LYPD6: variants seen among roughly 807,000 people sequenced by gnomAD.
The protein encoded by LYPD6 is LY6/PLAUR domain containing 6.
In LYPD6, 15 loss-of-function variants were observed where a neutral mutation model predicts 22.7. That is an observed-to-expected ratio of 0.66 (90% CI 0.44 to 1.02). LYPD6 has a LOEUF of 1.02. Among genes scored for constraint, LYPD6 ranks in the 50% least tolerant of loss-of-function variants. LYPD6 has a pLI of 0.00. For synonymous variants in LYPD6, 72 were observed against 77.5 expected, an observed-to-expected ratio of 0.93 and a Z score of 0.37; for missense variants, 189 against 208.4, an observed-to-expected ratio of 0.91 and a Z score of 0.57.
chr2:149,470,292 A>G (rs1393736640), intron 4 of LYPD6, among the ~76,000 whole-genome samples: 3 of 151,778 alleles, frequency 2.0e-5, no homozygotes, highest in Non-Finnish European at 4.4e-5. Flanking sequence ...TCACTTGAAA[A>G]CTTGGCAAAC....
intron 1 of LYPD6, among the ~76,000 whole-genome samples, chr2:149,356,475 C>CT (rs1186673389): frequency 6.6e-6 from 1 of 152,178 alleles, no homozygotes; most frequent in East Asian, 1.9e-4. Context: ...CCAAGTATGG[C>CT]TACTGGCCTC....
At chr2:149,425,622 T>C (rs1396373332) in intron 1 of LYPD6, among the ~76,000 whole-genome samples, 1 of 152,250 alleles carries the variant, frequency 6.6e-6, no homozygotes, top group Non-Finnish European at 1.5e-5. Flanking sequence ...GTGAATGCTA[T>C]GTAAAATCTT....
intron 3 of LYPD6, 110 bp downstream of exon 3, chr2:149,449,257 T>G (rs575698686): frequency 1.5e-6 from 1 of 661,192 alleles, no homozygotes; most frequent in Admixed American, 2.9e-5. Context: ...CAGCTGCTCC[T>G]CTTGTCTAAG....
chr2:149,390,453 T>C (rs1028226022), intron 1 of LYPD6, among the ~76,000 whole-genome samples: 1 of 152,238 alleles, frequency 6.6e-6, no homozygotes, highest in African/African-American at 2.4e-5. Context: ...CTTCTACTCA[T>C]GCAGTACTTC....
At chr2:149,395,305 C>G (rs1187316430) in intron 1 of LYPD6, among the ~76,000 whole-genome samples, 8 of 152,070 alleles carry the variant, frequency 5.3e-5, no homozygotes, top group Admixed American at 5.2e-4. Context: ...TGGTATGATG[C>G]TCCCCTCATA....
In LYPD6 at chr2:149,468,723, T is replaced by C; in HGVS notation, c.296T>C (p.Leu99Pro). The C allele has an allele frequency of 1.2e-6, 2 of 1,613,754 alleles. No homozygotes were observed. The highest frequency in any genetic ancestry group is 1.7e-6 in the Non-Finnish European group (2 of 1,179,740). ...SISVTKRCVP[L>P]EECLSTGCRD... ...TCAGTCACCAAACGCTGTGTCCCAC[T>C]GGAAGAGTGCTTATCCACTGGCTGC... The change falls in exon 4 of 5, where the codon CTG (leucine) becomes CCG (proline). Residue 99 changes from leucine (L) to proline (P), a missense_variant. Transcript: ENST00000334166.
At chr2:149,406,556 C>A (rs1009833690) in intron 1 of LYPD6, among the ~76,000 whole-genome samples, 4 of 152,148 alleles carry the variant, frequency 2.6e-5, no homozygotes, top group East Asian at 3.9e-4. Flanking sequence ...GGATTGCAAC[C>A]CCTGCCTTAT....
intron 1 of LYPD6, among the ~76,000 whole-genome samples, chr2:149,347,048 T>A (rs940475043): frequency 6.6e-6 from 1 of 152,088 alleles, no homozygotes; most frequent in African/African-American, 2.4e-5. Flanking sequence ...CAGTCAGAGG[T>A]CAAGGTGCTG....
rs78120788 is a variant in LYPD6, at chr2:149,462,224, A to G, written c.218-6421A>G. Among the ~76,000 whole-genome samples, 32 of 152,138 alleles carry G rather than the reference A, an allele frequency of 2.1e-4. 1 individual carries two copies. The East Asian group carries it at 4.4e-3, about 21-fold the overall frequency. On this transcript the variant is annotated intron_variant, in intron 3 of 4. Coordinates refer to ENST00000334166, the MANE Select transcript of LYPD6 (RefSeq NM_194317.5). ...GGATATACGATAAATTGAGAACTCA[A>G]TTGTGTTTATGCTATCAATTAACAT...
chr2:149,378,151 C>T (rs1681972484), intron 1 of LYPD6, among the ~76,000 whole-genome samples: 1 of 152,158 alleles, frequency 6.6e-6, no homozygotes, highest in South Asian at 2.1e-4. Context: ...GGGTTTCACT[C>T]TGTCACCCAG....
At chr2:149,380,831 T>C (rs943033896) in intron 1 of LYPD6, among the ~76,000 whole-genome samples, 1 of 152,176 alleles carries the variant, frequency 6.6e-6, no homozygotes, top group Admixed American at 6.5e-5. Context: ...GTTTAAGGAC[T>C]GACCTTTGGG....
chr2:149,404,133 T>C (rs1573776629), intron 1 of LYPD6, among the ~76,000 whole-genome samples: 1 of 152,214 alleles, frequency 6.6e-6, no homozygotes, highest in Non-Finnish European at 1.5e-5. Flanking sequence ...TTGGTTACTG[T>C]AGGCTTGTAG....
At chr2:149,423,155 G>A (rs1402007720) in intron 1 of LYPD6, among the ~76,000 whole-genome samples, 1 of 152,004 alleles carries the variant, frequency 6.6e-6, no homozygotes, top group Non-Finnish European at 1.5e-5. Context: ...ATATGTACCT[G>A]GAGGATCAGC....
the LYPD6 span, among the ~76,000 whole-genome samples, chr2:149,482,210 T>C: frequency 2.6e-5 from 4 of 152,226 alleles, no homozygotes; most frequent in Admixed American, 6.5e-5. Context: ...ATTTGACTTA[T>C]TCTCTTTGTC....
chr2:149,465,408 G>GACTTA (rs1472464801), intron 3 of LYPD6, among the ~76,000 whole-genome samples: 1 of 152,124 alleles, frequency 6.6e-6, no homozygotes, highest in East Asian at 1.9e-4. Context: ...AGGCAGCTGC[G>GACTTA]ACTGGCCTTT....
At chr2:149,424,206 G>A (rs940721937) in intron 1 of LYPD6, among the ~76,000 whole-genome samples, 3 of 152,044 alleles carry the variant, frequency 2.0e-5, no homozygotes, top group South Asian at 2.1e-4. Flanking sequence ...TCAACAAATC[G>A]CTATCAGAGA....
rs191159378 is a variant in LYPD6 at position 149,337,974 on chromosome 2, G to A, written c.-72+7252G>A. On this transcript the variant is annotated intron_variant, in intron 1 of 4. Transcript: ENST00000334166. Reference sequence around the variant, plus strand: ...CAAAGTACGTGATCTCATTTTTATGGCTGCATAGTATTCCGTGGTGTATAT... The same window carrying A: ...CAAAGTACGTGATCTCATTTTTATGACTGCATAGTATTCCGTGGTGTATAT... Among the ~76,000 whole-genome samples the A allele has an allele frequency of 2.4e-3, 363 of 151,616 alleles. 2 individuals are homozygous for A. Among genetic ancestry groups the A allele is most frequent in the African/African-American group, 8.3e-3 (344 of 41,270 alleles).
At chr2:149,355,802 C>G (rs1328054290) in intron 1 of LYPD6, among the ~76,000 whole-genome samples, 3 of 152,068 alleles carry the variant, frequency 2.0e-5, no homozygotes, top group Non-Finnish European at 4.4e-5. Context: ...TTGTAAGCAG[C>G]AAATACCTGG....
chr2:149,477,698 A>G (rs1681466147), downstream of LYPD6, among the ~76,000 whole-genome samples: 1 of 150,954 alleles, frequency 6.6e-6, no homozygotes. Context: ...AAAAAAGCAT[A>G]GTGGTGTGTT....
Sources: allele counts gnomAD v4.1 joint callset (sites outside exome capture counted in the v4.1 genomes callset), GRCh38; gene constraint gnomAD v4.1.1; transcripts MANE v1.5; gene names NCBI Gene and HGNC (gene_info 2026-07-23, HGNC 2026-07-21).